The following IMMP2L variants were observed in gnomAD, a reference collection of about 807,000 sequenced individuals.
IMMP2L encodes inner mitochondrial membrane peptidase subunit 2, also known as mitochondrial inner membrane protease subunit 2.
In IMMP2L, 18 loss-of-function variants were observed where a neutral mutation model predicts 19.3. The ratio of observed to expected loss-of-function variants is 0.93; its 90% CI spans 0.64 to 1.38. The LOEUF (loss-of-function observed/expected upper bound fraction) is 1.38, where lower values mean the gene tolerates loss of function less well. IMMP2L is among the 40% of genes most tolerant of loss of function. The pLI, the probability that IMMP2L is intolerant of heterozygous loss-of-function variation, is 0.00. For missense variants in IMMP2L, 233 were observed against 218.2 expected (o/e 1.07, Z -0.43); for synonymous variants, 76 against 73.0 (o/e 1.04, Z -0.21).
chr7:111,380,333 C>T (rs1008148392), intron 3 of IMMP2L, among the ~76,000 whole-genome samples: 9 of 151,944 alleles, frequency 5.9e-5, no homozygotes, highest in Admixed American at 1.3e-4. Flanking sequence ...CAACATGCTT[C>T]AGCCAGATAA....
intron 4 of IMMP2L, among the ~76,000 whole-genome samples, chr7:110,939,964 G>T (rs961192442): frequency 3.9e-5 from 6 of 152,174 alleles, no homozygotes; most frequent in Admixed American, 2.0e-4. Context: ...ACCATTGACT[G>T]AGAGAGTCTC....
At chr7:111,489,332 C>T (rs902006312) in intron 2 of IMMP2L, among the ~76,000 whole-genome samples, 31 of 152,008 alleles carry the variant, frequency 2.0e-4, no homozygotes, top group South Asian at 4.1e-4. Flanking sequence ...CGTGAGCCAC[C>T]GCGCCTGGCC....
chr7:111,349,997 A>C (rs1400948437), intron 3 of IMMP2L, among the ~76,000 whole-genome samples: 1 of 146,964 alleles, frequency 6.8e-6, no homozygotes, highest in African/African-American at 2.5e-5. Context: ...GACGGAGTTT[A>C]GCTCTTATTG....
intron 5 of IMMP2L, among the ~76,000 whole-genome samples, chr7:110,820,383 ATGTGTT>A (rs1324548490): frequency 6.6e-6 from 1 of 152,070 alleles, no homozygotes; most frequent in Non-Finnish European, 1.5e-5. Context: ...ATCTCTTCTT[ATGTGTT>A]TAATTCACCT....
intron 5 of IMMP2L, among the ~76,000 whole-genome samples, chr7:110,855,840 G>A (rs1020710475): frequency 1.3e-5 from 2 of 151,878 alleles, no homozygotes; most frequent in African/African-American, 4.8e-5. Flanking sequence ...AACTTAGACA[G>A]GTACTTGCCA....
intron 3 of IMMP2L, among the ~76,000 whole-genome samples, chr7:111,169,753 C>T (rs1383442399): frequency 6.6e-6 from 1 of 151,834 alleles, no homozygotes; most frequent in Non-Finnish European, 1.5e-5. Context: ...GTCACATTCA[C>T]AGGTACTGAC....
rs1028560450 is a variant in IMMP2L at position 111,010,940 on chromosome 7, CA to C, written c.240-47376del. The stretch of plus-strand genomic sequence containing the variant: ...GCTTAATGAGGCCATCAGAGCTGGA[CA>C]AAAAAAAAAAGGTCAAGATACAGAC... On this transcript the variant is annotated intron_variant, in intron 3 of 5. Transcript: ENST00000405709. Among the ~76,000 whole-genome samples, 285 of 97,646 alleles carry C rather than the reference CA, an allele frequency of 2.9e-3. 1 individual carries two copies. Among genetic ancestry groups the C allele is most frequent in the African/African-American group, 7.2e-3 (222 of 30,876 alleles). The allele number at this position is 97,646 out of a possible 152,430, so 64.1% of individuals were successfully genotyped here. A position where few individuals can be genotyped will look rare whatever the true frequency, so the allele number is the denominator to read the frequency against.
At chr7:111,053,865 A>T (rs1484687181) in intron 3 of IMMP2L, among the ~76,000 whole-genome samples, 2 of 152,156 alleles carry the variant, frequency 1.3e-5, no homozygotes, top group Non-Finnish European at 2.9e-5. Context: ...GAATAATAAA[A>T]CCCATATTGC....
At chr7:111,310,985 T>C (rs902350267) in intron 3 of IMMP2L, among the ~76,000 whole-genome samples, 2 of 152,200 alleles carry the variant, frequency 1.3e-5, no homozygotes, top group Admixed American at 6.6e-5. Flanking sequence ...TAAAAATCTC[T>C]TTTAAAATTT....
chr7:110,898,008 G>A (rs1479266133), intron 4 of IMMP2L, among the ~76,000 whole-genome samples: 1 of 151,276 alleles, frequency 6.6e-6, no homozygotes, highest in African/African-American at 2.4e-5. Context: ...AGTAAAAAAG[G>A]GAAGAGCATA....
chr7:111,149,025 T>C (rs1225152053), intron 3 of IMMP2L, among the ~76,000 whole-genome samples: 1 of 152,118 alleles, frequency 6.6e-6, no homozygotes, highest in Non-Finnish European at 1.5e-5. Flanking sequence ...CTCCAGAGTC[T>C]GTGCTTTTAT....
intron 3 of IMMP2L, among the ~76,000 whole-genome samples, chr7:111,367,599 T>C (rs1293244592): frequency 2.6e-5 from 4 of 152,018 alleles, no homozygotes; most frequent in East Asian, 1.9e-4. Flanking sequence ...ATATTCATTA[T>C]ATCTTTCAAT....
chr7:111,339,071 A>T (rs1222843343), intron 3 of IMMP2L, among the ~76,000 whole-genome samples: 1 of 152,102 alleles, frequency 6.6e-6, no homozygotes, highest in African/African-American at 2.4e-5. Context: ...GAAATTGCTA[A>T]CAAAATCATT....
At chr7:111,304,901 T>A (rs980527374) in intron 3 of IMMP2L, among the ~76,000 whole-genome samples, 6 of 151,964 alleles carry the variant, frequency 3.9e-5, no homozygotes, top group Non-Finnish European at 8.8e-5. Context: ...AAAAAATTGA[T>A]CTACTTGACA....
At chr7:111,229,345 C>T (rs1472747809) in intron 3 of IMMP2L, among the ~76,000 whole-genome samples, 1 of 151,716 alleles carries the variant, frequency 6.6e-6, no homozygotes, top group Non-Finnish European at 1.5e-5. Flanking sequence ...CGTATGTATC[C>T]ATTGATACAA....
intron 3 of IMMP2L, among the ~76,000 whole-genome samples, chr7:111,401,079 T>G (rs936260223): frequency 1.3e-5 from 2 of 152,178 alleles, no homozygotes; most frequent in Non-Finnish European, 2.9e-5. Flanking sequence ...CAGAACAGAT[T>G]TGCTTCTATT....
chr7:110,911,258 T>C (rs1373421074), intron 4 of IMMP2L, among the ~76,000 whole-genome samples: 2 of 152,222 alleles, frequency 1.3e-5, no homozygotes, highest in Admixed American at 1.3e-4. Flanking sequence ...AGTTTACATC[T>C]GAAAGACAAA....
intron 5 of IMMP2L, among the ~76,000 whole-genome samples, chr7:110,818,453 G>C (rs1387948555): frequency 6.6e-6 from 1 of 152,088 alleles, no homozygotes; most frequent in Non-Finnish European, 1.5e-5. Context: ...TCATTAAAAA[G>C]TCAGGAAACA....
At chr7:111,022,163 G>C (rs1049798557) in intron 3 of IMMP2L, among the ~76,000 whole-genome samples, 3 of 152,152 alleles carry the variant, frequency 2.0e-5, no homozygotes, top group Non-Finnish European at 2.9e-5. Flanking sequence ...ACAAATCCTA[G>C]TCTGAAGCCA....
Sources: gnomAD v4.1 joint callset for allele counts (sites outside exome capture counted in the v4.1 genomes callset) on GRCh38, gnomAD v4.1.1 for gene constraint, MANE v1.5 for transcripts, NCBI Gene and HGNC (gene_info 2026-07-23, HGNC 2026-07-21) for gene names.